The following KIZ variants were observed in gnomAD, a reference collection of about 807,000 sequenced individuals.
KIZ encodes the protein kizuna centrosomal protein.
In KIZ, 68 loss-of-function variants were observed where a neutral mutation model predicts 79.6. The observed-to-expected ratio is 0.85, with a 90% CI of 0.70 to 1.05. The LOEUF is 1.05. Among genes scored for constraint, KIZ ranks in the 50% least tolerant of loss-of-function variants. KIZ has a pLI of 0.00. For synonymous variants in KIZ, 280 were observed against 281.8 expected (o/e 0.99, Z 0.06); for missense variants, 797 against 800.4 (o/e 1.00, Z 0.05).
intron 11 of KIZ, among the ~76,000 whole-genome samples, chr20:21,242,875 A>T (rs1569010124): frequency 6.6e-6 from 1 of 152,070 alleles, no homozygotes; most frequent in Non-Finnish European, 1.5e-5. Flanking sequence ...GCTGGCAGAG[A>T]TCTCTCCTGC....
intron 6 of KIZ, among the ~76,000 whole-genome samples, chr20:21,199,513 T>C (rs2035500050): frequency 6.6e-6 from 1 of 152,198 alleles, no homozygotes; most frequent in African/African-American, 2.4e-5. Flanking sequence ...ACTGGTTCAC[T>C]CTCTAGCCTT....
Position 21,126,129 on chromosome 20 carries a change from T to G in KIZ, c.14T>G (p.Leu5Arg), listed in dbSNP as rs373441451. MSRT[L>R]ASAVPLSSPD... ...AGCGGCAGCAGCATGAGCCGGACCCTCGCATCGGCCGTGCCCCTGTCGAGT... is the reference window on the plus strand; with the variant it reads ...AGCGGCAGCAGCATGAGCCGGACCCGCGCATCGGCCGTGCCCCTGTCGAGT... The change falls in exon 1 of 13, where the codon CTC becomes CGC. Residue 5 changes from leucine (L) to arginine (R), a missense_variant. Physicochemically the swap from Leu to Arg is moderately radical, Grantham distance 102. Transcript: ENST00000619189. The G allele has an allele frequency of 1.5e-5, 22 of 1,514,922 alleles. No individual in the cohort carries two copies. The highest frequency in any genetic ancestry group is 1.8e-5 in the Non-Finnish European group (20 of 1,131,716). The allele number at this position is 1,514,922 out of a possible 1,614,324, so 93.8% of individuals were successfully genotyped here. A position where few individuals can be genotyped will look rare whatever the true frequency, so the allele number is the denominator to read the frequency against.
rs1214606438 is a variant in KIZ at position 21,161,963 on chromosome 20, C to CA, written c.499dup (p.Ile167AsnfsTer24). Reference sequence around the variant, plus strand: ...TCTTTATGGGCCGCCAAATGTCAGCCATCTTAAGCATGAGAGATTTCAGTA... The same window carrying CA: ...TCTTTATGGGCCGCCAAATGTCAGCCAATCTTAAGCATGAGAGATTTCAGTA... On this transcript the variant is annotated frameshift_variant, in exon 5 of 13. Transcript: ENST00000619189. LOFTEE classifies it high-confidence loss of function. 6.2e-7 allele frequency: 1 copy of CA among 1,613,866 alleles called. No homozygotes were observed. Among genetic ancestry groups the CA allele is most frequent in the Non-Finnish European group, 8.5e-7 (1 of 1,179,782 alleles).
At chr20:21,217,190 T>A (rs1406633250) in intron 9 of KIZ, among the ~76,000 whole-genome samples, 1 of 152,208 alleles carries the variant, frequency 6.6e-6, no homozygotes, top group African/African-American at 2.4e-5. Context: ...TGTTAAGGTG[T>A]TACTGTTCTG....
At chr20:21,244,741 C>T (rs746574462) in intron 12 of KIZ, 50 of 162,722 alleles carry the variant, frequency 3.1e-4, no homozygotes, top group Non-Finnish European at 6.1e-4. Flanking sequence ...GCCTCCAAAC[C>T]CTGGCTTCCC....
At chr20:21,205,607 G>GT (rs1272335837) in intron 7 of KIZ, 23 bp downstream of exon 7, 6 of 1,000,694 alleles carry the variant, frequency 6.0e-6, no homozygotes, top group African/African-American at 3.2e-5. Context: ...ACTGTCTGAA[G>GT]TTTTCCCAAT....
Position 21,232,905 on chromosome 20 carries a change from C to A in KIZ, c.1880+75C>A, listed in dbSNP as rs575634757. 2.7e-4 allele frequency: 198 copies of A among 731,504 alleles called. No homozygotes were observed. In the African/African-American group the frequency reaches 3.1e-3, roughly 12 times the overall value. 45.3% of individuals were successfully genotyped at this position (731,504 alleles called of 1,614,324 possible). A position where few individuals can be genotyped will look rare whatever the true frequency, so the allele number is the denominator to read the frequency against. On this transcript the variant is annotated intron_variant, in intron 11 of 12. Transcript: ENST00000619189. ...CACAGCGCAATGAATTAAACTCTGGCTGCGTATTATTTTGTTGTATGACTT... is the reference window on the plus strand; with the variant it reads ...CACAGCGCAATGAATTAAACTCTGGATGCGTATTATTTTGTTGTATGACTT...
At chr20:21,160,452 A>G (rs974641311) in intron 4 of KIZ, among the ~76,000 whole-genome samples, 3 of 152,002 alleles carry the variant, frequency 2.0e-5, no homozygotes, top group African/African-American at 7.3e-5. Context: ...CCCTGCTTCT[A>G]CCATGTAAGG....
At chr20:21,236,996 TAAAAAA>T (rs112003553) in intron 11 of KIZ, among the ~76,000 whole-genome samples, 1 of 130,086 alleles carries the variant, frequency 7.7e-6, no homozygotes, top group South Asian at 2.5e-4. Flanking sequence ...AGACTCTGTT[TAAAAAA>T]AAAAAAAAAA....
In KIZ at chr20:21,162,108, A is replaced by G. The variant is rs1277708273; in HGVS notation, c.643A>G (p.Thr215Ala). ...DSCVVQTSND[T>A]QCLNKSDNID... is the part of the protein sequence containing the mutation. ...CTGTGTAGTACAAACTAGTAATGACACACAGTGCTTAAATAAGTCTGACAA... is the reference window on the plus strand; with the variant it reads ...CTGTGTAGTACAAACTAGTAATGACGCACAGTGCTTAAATAAGTCTGACAA... The change falls in exon 5 of 13, where the codon ACA (threonine) becomes GCA (alanine). Residue 215 changes from threonine (T) to alanine (A), a missense_variant. Transcript: ENST00000619189. 9.3e-6 allele frequency: 15 copies of G among 1,613,416 alleles called. No individual in the cohort carries two copies. Among genetic ancestry groups the G allele is most frequent in the African/African-American group, 2.7e-5 (2 of 74,926 alleles).
At position 21,162,045 on chromosome 20, in the gene KIZ, CACCGACAGACAGCCCAGAGCAGTAA is replaced by C. The variant is rs766568333; in HGVS notation, c.581_605del (p.His194LeufsTer2). 4.3e-6 allele frequency: 7 copies of C among 1,613,994 alleles called. No homozygotes were observed. The East Asian group carries it at 1.6e-4, about 36-fold the overall frequency. On this transcript the variant is annotated frameshift_variant, in exon 5 of 13. Coordinates refer to ENST00000619189, the MANE Select transcript of KIZ (RefSeq NM_018474.6). LOFTEE classifies it high-confidence loss of function. ...CTTTTCAATTCCTGACCCACATTCA[CACCGACAGACAGCCCAGAGCAGTAA>C]TGTGACAGACAGCTGTGTAGTACAA...
At chr20:21,153,868 A>G (rs1425313218) in intron 4 of KIZ, among the ~76,000 whole-genome samples, 4 of 152,168 alleles carry the variant, frequency 2.6e-5, no homozygotes, top group African/African-American at 9.7e-5. Context: ...CCATTATGAC[A>G]TAATTTAACC....
chr20:21,203,546 C>G (rs2035679685), intron 6 of KIZ, among the ~76,000 whole-genome samples: 1 of 152,122 alleles, frequency 6.6e-6, no homozygotes, highest in Non-Finnish European at 1.5e-5. Context: ...AAAATTATGA[C>G]CATTTCCTAG....
rs2035060271 is a variant in KIZ at position 21,190,387 on chromosome 20, C to CTAATT, written c.1353-15104_1353-15103insTAATT. Among the ~76,000 whole-genome samples the CTAATT allele has an allele frequency of 2.6e-5, 4 of 152,320 alleles. No individual in the cohort carries two copies. The South Asian group carries it at 8.3e-4, about 32-fold the overall frequency. On this transcript the variant is annotated intron_variant, in intron 6 of 12. Coordinates refer to ENST00000619189, the MANE Select transcript of KIZ (RefSeq NM_018474.6). ...ACCTCTGTAAAAGGATTAGCGCTAGCCAATTGTTACACTGTTTAAATCTTA... is the reference window on the plus strand; with the variant it reads ...ACCTCTGTAAAAGGATTAGCGCTAGCTAATTCAATTGTTACACTGTTTAAATCTTA...
Position 21,204,316 on chromosome 20 carries a change from C to T in KIZ, c.1353-1175C>T, listed in dbSNP as rs894363458. 5.3e-5 allele frequency among the ~76,000 whole-genome samples: 8 copies of T among 151,250 alleles called. No individual in the cohort carries two copies. The East Asian group carries it at 5.8e-4, about 11-fold the overall frequency. ...ATTTTTAGTAGAGACGGGGTTTCACCGTTTTAGCCGGGATGGTCTCGATCT... is the reference window on the plus strand; with the variant it reads ...ATTTTTAGTAGAGACGGGGTTTCACTGTTTTAGCCGGGATGGTCTCGATCT... On this transcript the variant is annotated intron_variant, in intron 6 of 12. Coordinates refer to ENST00000619189, the MANE Select transcript of KIZ (RefSeq NM_018474.6).
At chr20:21,196,150 C>G (rs1290539031) in intron 6 of KIZ, 1 of 152,208 alleles carries the variant, frequency 6.6e-6, no homozygotes, top group Non-Finnish European at 1.5e-5. Context: ...TGTATTCTTT[C>G]CAGAGTTTCA....
chr20:21,148,258 A>G (rs748963806), intron 4 of KIZ, among the ~76,000 whole-genome samples: 11 of 152,184 alleles, frequency 7.2e-5, no homozygotes, highest in Non-Finnish European at 1.3e-4. Flanking sequence ...GTATTTTTTA[A>G]GTGGCTATAC....
rs1356459422 is a variant in KIZ, at chr20:21,136,459, T to C, written c.222T>C (p.His74=). ...TATGTGAATCTGAAAAGAAGGCTCA[T>C]ACTCGAAACCAAGAATATTTAAAGC... ...KEICESEKKA[H]TRNQEYLKRF... The change falls in exon 3 of 13, where the codon CAT becomes CAC. Residue 74 remains histidine (H), a synonymous_variant. Coordinates refer to ENST00000619189, the MANE Select transcript of KIZ (RefSeq NM_018474.6). 1 of 1,584,570 alleles carries C rather than the reference T, an allele frequency of 6.3e-7. No homozygotes were observed. The highest frequency in any genetic ancestry group is 2.2e-5 in the East Asian group (1 of 44,516).
At position 21,182,376 on chromosome 20, in the gene KIZ, A is replaced by G. The variant is rs572505694; in HGVS notation, c.1352+19217A>G. 4.6e-5 allele frequency among the ~76,000 whole-genome samples: 7 copies of G among 152,326 alleles called. No homozygotes were observed. In the South Asian group the frequency reaches 1.5e-3, roughly 32 times the overall value. On this transcript the variant is annotated intron_variant, in intron 6 of 12. Coordinates refer to ENST00000619189, the MANE Select transcript of KIZ (RefSeq NM_018474.6). ...TCTTGAGTCTCTGTTAGAAGCAAGG[A>G]AAGTATTCAATAGACTTCCCCTTGC...
Sources: gnomAD v4.1 joint callset for allele counts (sites outside exome capture counted in the v4.1 genomes callset) on GRCh38, gnomAD v4.1.1 for gene constraint, MANE v1.5 for transcripts, NCBI Gene and HGNC (gene_info 2026-07-23, HGNC 2026-07-21) for gene names.